The following CACNA1B variants were observed in gnomAD, a reference collection of about 807,000 sequenced individuals.
CACNA1B encodes voltage-dependent N-type calcium channel subunit alpha-1B.
A neutral mutation model predicts 247.2 loss-of-function variants in CACNA1B; 70 were observed. The observed-to-expected ratio is 0.28, with a 90% CI of 0.23 to 0.35. CACNA1B has a LOEUF of 0.35. CACNA1B is among the 10% of genes least tolerant of loss of function. The pLI is 1.00. For synonymous variants in CACNA1B, 1,231 were observed against 1,294.4 expected, an observed-to-expected ratio of 0.95 and a Z score of 1.05; for missense variants, 2,367 against 3,197.4, an observed-to-expected ratio of 0.74 and a Z score of 6.26.
rs1193973964 is a variant in CACNA1B, at chr9:137,971,906, C to G, written c.1543+314C>G. ...CAGGGCAGGATATATGTGGGACGAC[C>G]AGGGGCGAGTCAGGCCAGGCAGATG... On this transcript the variant is annotated intron_variant, in intron 11 of 46. Coordinates refer to ENST00000371372, the MANE Select transcript of CACNA1B (RefSeq NM_000718.4). This position sits in a 1 kb window ranked among gnomAD's most constrained non-coding sequence, Gnocchi z 4.4. 6.6e-6 allele frequency among the ~76,000 whole-genome samples: 1 copy of G among 151,926 alleles called. No individual in the cohort carries two copies. The highest frequency in any genetic ancestry group is 1.9e-4 in the East Asian group (1 of 5,146).
chr9:137,943,050 C>CTTTTTTTTT (rs58509237), intron 6 of CACNA1B, among the ~76,000 whole-genome samples: 1 of 136,116 alleles, frequency 7.3e-6, no homozygotes, highest in Non-Finnish European at 1.6e-5. Context: ...GAGTTTCAAA[C>CTTTTTTTTT]TTTTTTTTTT....
chr9:138,006,469 G>A (rs566809206), intron 15 of CACNA1B, among the ~76,000 whole-genome samples: 106 of 152,146 alleles, frequency 7.0e-4, no homozygotes, highest in Middle Eastern at 3.4e-3. Flanking sequence ...TGCCCTCCTC[G>A]CCTCTGCCCA....
chr9:138,068,060 T>C (rs1959983333), intron 31 of CACNA1B, among the ~76,000 whole-genome samples: 1 of 152,126 alleles, frequency 6.6e-6, no homozygotes, highest in Non-Finnish European at 1.5e-5. Context: ...CAGCACAGTG[T>C]GGATGCTTCT....
intron 38 of CACNA1B, 88 bp from the exon 39 acceptor site, chr9:138,105,611 C>T: frequency 1.4e-6 from 1 of 737,460 alleles, no homozygotes; most frequent in Non-Finnish European, 2.4e-6. Context: ...ATGCCCAGCC[C>T]AGCATCCAGG....
rs760382276 is a variant in CACNA1B at position 138,023,727 on chromosome 9, A to T, written c.2984A>T (p.Glu995Val). 3.0e-6 allele frequency: 3 copies of T among 1,011,026 alleles called. No homozygotes were observed. The highest frequency in any genetic ancestry group is 3.7e-6 in the Non-Finnish European group (3 of 806,748). 62.6% of individuals were successfully genotyped at this position (1,011,026 alleles called of 1,614,324 possible). The change falls in exon 19 of 47, where the codon GAG becomes GTG. Residue 995 changes from glutamate to valine, a missense_variant. This residue lies in a region of CACNA1B where 631 missense variants were observed against 631.1 expected (regional missense o/e 1.00). Transcript: ENST00000371372. Reference sequence around the variant, plus strand: ...CCTGCTCACGAGGCTGTGGAGAAGGAGACCACGGAGAAGGAGGCCACGGAG... The same window carrying T: ...CCTGCTCACGAGGCTGTGGAGAAGGTGACCACGGAGAAGGAGGCCACGGAG... ...AQPAHEAVEKETTEKEATEKE... is the reference protein window; with the variant it reads ...AQPAHEAVEKVTTEKEATEKE...
chr9:138,000,350 G>C (rs570099338), intron 15 of CACNA1B, among the ~76,000 whole-genome samples: 3 of 151,874 alleles, frequency 2.0e-5, no homozygotes, highest in Non-Finnish European at 4.4e-5. Flanking sequence ...AGCCCGCCTT[G>C]GCCTCCCAAA....
Position 138,023,345 on chromosome 9 carries a change from C to T in CACNA1B, c.2602C>T (p.Arg868Ter). The change falls in exon 19 of 47, where the codon CGA (arginine) becomes TGA (stop). Residue 868 changes from arginine to a stop codon, truncating the protein, a stop_gained. Transcript: ENST00000371372. LOFTEE classifies it high-confidence loss of function. ...DKTPAAGDQD[R>*]AEAPKAESGE... ...GACCCCCGCGGCGGGGGACCAGGAC[C>T]GAGCAGAGGCCCCGAAGGCGGAGAG... 1 of 1,449,246 alleles carries T rather than the reference C, an allele frequency of 6.9e-7. No individual in the cohort carries two copies. Among genetic ancestry groups the T allele is most frequent in the Non-Finnish European group, 9.0e-7 (1 of 1,109,976 alleles). The allele number at this position is 1,449,246 out of a possible 1,614,324, so 89.8% of individuals were successfully genotyped here. A position where few individuals can be genotyped will look rare whatever the true frequency, so the allele number is the denominator to read the frequency against.
chr9:137,962,103 C>T (rs972216541), intron 10 of CACNA1B, among the ~76,000 whole-genome samples: 3 of 152,082 alleles, frequency 2.0e-5, no homozygotes, highest in African/African-American at 4.8e-5. Context: ...CTGGTTCAAT[C>T]TTAGGAAGGT....
intron 3 of CACNA1B, among the ~76,000 whole-genome samples, chr9:137,906,672 G>C (rs1240759679): frequency 6.6e-6 from 1 of 151,856 alleles, no homozygotes; most frequent in Non-Finnish European, 1.5e-5. Context: ...TCCCCTGCAT[G>C]CCCATGTGAT....
rs1171271777 is a variant in CACNA1B, at chr9:137,974,482, G to A, written c.1544-1425G>A. On this transcript the variant is annotated intron_variant, in intron 11 of 46. Coordinates refer to ENST00000371372, the MANE Select transcript of CACNA1B (RefSeq NM_000718.4). This position sits in a 1 kb window ranked among gnomAD's most constrained non-coding sequence, Gnocchi z 4.5. ...TCAGGCCATACAAAGTGGGGTGTCC[G>A]CTCCCTGAGACTCCTGTCTGTTTGT... Among the ~76,000 whole-genome samples, 5 of 152,262 alleles carry A rather than the reference G, an allele frequency of 3.3e-5. No individual in the cohort carries two copies. The highest frequency in any genetic ancestry group is 4.1e-4 in the South Asian group (2 of 4,820).
intron 44 of CACNA1B, 133 bp downstream of exon 44, chr9:138,118,901 G>C: frequency 3.3e-6 from 2 of 606,140 alleles, no homozygotes; most frequent in Non-Finnish European, 5.8e-6. Context: ...GGAGCTCTTT[G>C]CTGAGGCAGG....
chr9:137,904,784 A>G (rs145518689), intron 3 of CACNA1B, among the ~76,000 whole-genome samples: 1 of 151,912 alleles, frequency 6.6e-6, no homozygotes, highest in Non-Finnish European at 1.5e-5. Context: ...GAGTTTTATC[A>G]CTGTCTGCCA....
At chr9:137,995,493 G>A (rs1958487922) in intron 15 of CACNA1B, among the ~76,000 whole-genome samples, 1 of 152,180 alleles carries the variant, frequency 6.6e-6, no homozygotes, top group African/African-American at 2.4e-5. Flanking sequence ...GTAGGAGAAT[G>A]AAACTGGATC....
intron 31 of CACNA1B, among the ~76,000 whole-genome samples, chr9:138,067,482 C>G (rs760611660): frequency 2.0e-5 from 3 of 152,230 alleles, no homozygotes; most frequent in Non-Finnish European, 4.4e-5. Flanking sequence ...GGGCAGATCA[C>G]CTGAGGTCAG....
chr9:137,899,986 C>T lies in CACNA1B; in HGVS notation c.531-13194C>T, dbSNP rs1291650818. On this transcript the variant is annotated intron_variant, in intron 3 of 46. Transcript: ENST00000371372. The surrounding 1 kb of genome is among the most constrained non-coding windows in gnomAD (Gnocchi z 5.0). Reference sequence around the variant, plus strand: ...CCAGCGTGGGCCAGATGCATGGGGACAAGGGAGCATCCATAGTTTCTCATA... The same window carrying T: ...CCAGCGTGGGCCAGATGCATGGGGATAAGGGAGCATCCATAGTTTCTCATA... Among the ~76,000 whole-genome samples, 2 of 152,144 alleles carry T rather than the reference C, an allele frequency of 1.3e-5. No individual in the cohort carries two copies. Among genetic ancestry groups the T allele is most frequent in the East Asian group, 3.9e-4 (2 of 5,162 alleles).
At chr9:138,002,304 G>A in intron 15 of CACNA1B, among the ~76,000 whole-genome samples, 1 of 152,118 alleles carries the variant, frequency 6.6e-6, no homozygotes, top group East Asian at 1.9e-4. Context: ...GGGAAAATTG[G>A]CTTTCCGTAT....
chr9:138,086,459 A>G (rs999725416), intron 36 of CACNA1B, among the ~76,000 whole-genome samples: 28 of 151,156 alleles, frequency 1.9e-4, no homozygotes, highest in Non-Finnish European at 4.4e-5. Flanking sequence ...CAGGAGTTCA[A>G]GGTGGTAGTG....
At position 138,037,268 on chromosome 9, in the gene CACNA1B, G is replaced by T. The variant is rs538516127; in HGVS notation, c.3287-6506G>T. On this transcript the variant is annotated intron_variant, in intron 20 of 46. Transcript: ENST00000371372. ...AGCTCTATTGTGGACCGTGGCCTCTGCATTTTAGGATGCCTAGCAGCATCC... is the reference window on the plus strand; with the variant it reads ...AGCTCTATTGTGGACCGTGGCCTCTTCATTTTAGGATGCCTAGCAGCATCC... Among the ~76,000 whole-genome samples, 7 of 152,338 alleles carry T rather than the reference G, an allele frequency of 4.6e-5. No individual in the cohort carries two copies. In the East Asian group the frequency reaches 1.3e-3, roughly 29 times the overall value.
chr9:137,902,351 A>G (rs1024707544), intron 3 of CACNA1B, among the ~76,000 whole-genome samples: 2 of 152,116 alleles, frequency 1.3e-5, no homozygotes, highest in African/African-American at 2.4e-5. Flanking sequence ...GCCCCTCCCC[A>G]ACACCCCTCC....
Sources: gnomAD v4.1 joint callset for allele counts (sites outside exome capture counted in the v4.1 genomes callset) on GRCh38, gnomAD v4.1.1 for gene constraint, gnomAD v4.1.1 regional missense constraint, Gnocchi (gnomAD v3.1) non-coding constraint, MANE v1.5 for transcripts, NCBI Gene and HGNC (gene_info 2026-07-23, HGNC 2026-07-21) for gene names.